TPST1: variants seen among roughly 807,000 people sequenced by gnomAD.
TPST1 encodes protein-tyrosine sulfotransferase 1.
Under a neutral mutation model 34.8 loss-of-function variants are expected in TPST1, and 20 were observed. The observed-to-expected ratio is 0.57, with a 90% CI of 0.40 to 0.84. TPST1 has a LOEUF of 0.84. Ranked by LOEUF, TPST1 falls within the 40% of genes least tolerant of loss-of-function variation. The pLI is 0.00. For synonymous variants in TPST1, 152 were observed against 159.4 expected (o/e 0.95, Z 0.35); for missense variants, 353 against 455.5 (o/e 0.78, Z 2.05).
At chr7:66,200,191 C>T in the TPST1 span, among the ~76,000 whole-genome samples, 1 of 152,136 alleles carries the variant, frequency 6.6e-6, no homozygotes, top group Non-Finnish European at 1.5e-5. Context: ...CCTCACTCAT[C>T]CTTGGCCAGG....
At chr7:66,230,426 G>A (rs1789756998) in intron 1 of TPST1, among the ~76,000 whole-genome samples, 2 of 152,238 alleles carry the variant, frequency 1.3e-5, no homozygotes, top group Non-Finnish European at 1.5e-5. Context: ...AAGGTGGTGC[G>A]TCTGGAGTTT....
In TPST1 at chr7:66,220,662, G is replaced by A. The variant is rs138327881; in HGVS notation, c.-102+15140G>A. Reference sequence around the variant, plus strand: ...CAGGTGGATGACAGTGGCACTGGGTGAGTGTGTGGGGGTGGTGGGTGGGTG... The same window carrying A: ...CAGGTGGATGACAGTGGCACTGGGTAAGTGTGTGGGGGTGGTGGGTGGGTG... On this transcript the variant is annotated intron_variant, in intron 1 of 5. Transcript: ENST00000304842. Among the ~76,000 whole-genome samples the A allele has an allele frequency of 8.7e-4, 126 of 144,548 alleles. 1 individual carries two copies. The highest frequency in any genetic ancestry group is 2.8e-3 in the African/African-American group (110 of 39,702). The allele number at this position is 144,548 out of a possible 152,430, so 94.8% of individuals were successfully genotyped here. A position where few individuals can be genotyped will look rare whatever the true frequency, so the allele number is the denominator to read the frequency against.
chr7:66,207,845 C>T (rs1326797231), intron 1 of TPST1, among the ~76,000 whole-genome samples: 1 of 152,180 alleles, frequency 6.6e-6, no homozygotes, highest in Non-Finnish European at 1.5e-5. Context: ...CATATACAAA[C>T]ATTACTATTT....
chr7:66,294,257 A>G (rs1244780155), intron 3 of TPST1, among the ~76,000 whole-genome samples: 3 of 152,208 alleles, frequency 2.0e-5, no homozygotes, highest in Non-Finnish European at 4.4e-5. Context: ...AAATAAGACA[A>G]CCATGCTAGC....
At chr7:66,219,466 C>A (rs1789495022) in intron 1 of TPST1, among the ~76,000 whole-genome samples, 1 of 152,146 alleles carries the variant, frequency 6.6e-6, no homozygotes, top group South Asian at 2.1e-4. Flanking sequence ...TTAATCTCTC[C>A]CAGATGAAAT....
At chr7:66,208,858 A>G (rs999230052) in intron 1 of TPST1, among the ~76,000 whole-genome samples, 1 of 152,154 alleles carries the variant, frequency 6.6e-6, no homozygotes, top group Non-Finnish European at 1.5e-5. Flanking sequence ...GTCATATCTC[A>G]TTGTATCTCC....
chr7:66,209,263 TAAAG>T (rs1789196057), intron 1 of TPST1, among the ~76,000 whole-genome samples: 2 of 151,818 alleles, frequency 1.3e-5, no homozygotes, highest in South Asian at 2.1e-4. Flanking sequence ...ATCTCAAAAT[TAAAG>T]AAAAAAGAAA....
In TPST1 at chr7:66,300,006, G is replaced by A. The variant is rs190056967; in HGVS notation, c.1044+13297G>A. On this transcript the variant is annotated intron_variant, in intron 3 of 5. Transcript: ENST00000304842. Reference sequence around the variant, plus strand: ...CACTACATTGTAGTCTGTTCAGTCTGTAGTAGCATTGTGTCAAAAGAAAAC... The same window carrying A: ...CACTACATTGTAGTCTGTTCAGTCTATAGTAGCATTGTGTCAAAAGAAAAC... Among the ~76,000 whole-genome samples the A allele has an allele frequency of 8.5e-5, 13 of 152,172 alleles. No homozygotes were observed. In the East Asian group the frequency reaches 2.5e-3, roughly 29 times the overall value.
At chr7:66,257,756 A>G (rs1790408325) in intron 2 of TPST1, among the ~76,000 whole-genome samples, 1 of 152,150 alleles carries the variant, frequency 6.6e-6, no homozygotes, top group Non-Finnish European at 1.5e-5. Flanking sequence ...GCTGAGGGAC[A>G]ATGTTCTTAA....
rs561734625 is a variant in TPST1 at position 66,227,287 on chromosome 7, T to G, written c.-101-13038T>G. The stretch of plus-strand genomic sequence containing the variant: ...ACCTTGTGATCTACCCGTCTCGGCC[T>G]CCCAAAGTGCTGGGATTACAGGCGT... On this transcript the variant is annotated intron_variant, in intron 1 of 5. Transcript: ENST00000304842. Among the ~76,000 whole-genome samples the G allele has an allele frequency of 7.8e-4, 118 of 152,092 alleles. 1 individual carries two copies. In the South Asian group the frequency reaches 0.012, roughly 16 times the overall value.
chr7:66,273,794 GAA>G (rs67158681), intron 2 of TPST1, among the ~76,000 whole-genome samples: 14 of 149,738 alleles, frequency 9.3e-5, no homozygotes, highest in East Asian at 4.0e-4. Flanking sequence ...TTTTATCTTG[GAA>G]AAAAAAAAAT....
intron 3 of TPST1, among the ~76,000 whole-genome samples, chr7:66,296,254 C>A (rs1351101482): frequency 2.5e-4 from 9 of 36,384 alleles, no homozygotes; most frequent in African/African-American, 8.3e-4. Flanking sequence ...CCTTCCCCCC[C>A]CCCTCCCCCA....
At chr7:66,323,480 T>C (rs1419164177) in intron 3 of TPST1, among the ~76,000 whole-genome samples, 1 of 152,250 alleles carries the variant, frequency 6.6e-6, no homozygotes, top group African/African-American at 2.4e-5. Context: ...TGATGTGTTT[T>C]TCTTTATATT....
chr7:66,261,606 G>A (rs1790489897), intron 2 of TPST1, among the ~76,000 whole-genome samples: 1 of 151,944 alleles, frequency 6.6e-6, no homozygotes, highest in African/African-American at 2.4e-5. Context: ...GAAAGTCTTT[G>A]TGTGCCTGAC....
At chr7:66,350,554 G>A (rs930409105) in intron 3 of TPST1, among the ~76,000 whole-genome samples, 3 of 151,916 alleles carry the variant, frequency 2.0e-5, no homozygotes, top group African/African-American at 7.2e-5. Context: ...AATAGACCAA[G>A]TTTTAGGCAT....
chr7:66,236,784 C>T (rs1053872321), intron 1 of TPST1, among the ~76,000 whole-genome samples: 2 of 152,088 alleles, frequency 1.3e-5, no homozygotes, highest in African/African-American at 4.8e-5. Context: ...TTCAATAAAG[C>T]TTTTTTAAAA....
intron 2 of TPST1, among the ~76,000 whole-genome samples, chr7:66,262,531 G>T (rs749085093): frequency 6.6e-6 from 1 of 152,140 alleles, no homozygotes; most frequent in Non-Finnish European, 1.5e-5. Context: ...ATGGATCAAA[G>T]ATGCCTGTTT....
At chr7:66,201,453 G>A (rs193215175), upstream of TPST1, among the ~76,000 whole-genome samples, 20 of 151,948 alleles carry the variant, frequency 1.3e-4, 1 homozygote, top group South Asian at 2.9e-3. Flanking sequence ...CACTTTGGGA[G>A]GCCAAGGTGG....
chr7:66,348,893 C>T (rs984196323), intron 3 of TPST1, among the ~76,000 whole-genome samples: 2 of 152,058 alleles, frequency 1.3e-5, no homozygotes, highest in Admixed American at 1.3e-4. Flanking sequence ...TACCCAGACC[C>T]CTTTTGGTTT....
Sources: gnomAD v4.1 joint callset for allele counts (sites outside exome capture counted in the v4.1 genomes callset) on GRCh38, gnomAD v4.1.1 for gene constraint, MANE v1.5 for transcripts, NCBI Gene and HGNC (gene_info 2026-07-23, HGNC 2026-07-21) for gene names.